CACNA2D3: variants seen among roughly 807,000 people sequenced by gnomAD.
The protein encoded by CACNA2D3 is voltage-dependent calcium channel subunit alpha-2/delta-3.
A neutral mutation model predicts 160.6 loss-of-function variants in CACNA2D3; 60 were observed. That is an observed-to-expected ratio of 0.37 (90% CI 0.30 to 0.46). CACNA2D3 has a LOEUF of 0.46. CACNA2D3 is among the 20% of genes least tolerant of loss of function. The pLI, the probability that CACNA2D3 is intolerant of heterozygous loss-of-function variation, is 1.00. For missense variants in CACNA2D3, 1,205 were observed against 1,365.0 expected (o/e 0.88, Z 1.85); for synonymous variants, 558 against 492.9 (o/e 1.13, Z -1.75).
At chr3:54,807,485 C>T (rs1433515873) in intron 13 of CACNA2D3, among the ~76,000 whole-genome samples, 2 of 152,074 alleles carry the variant, frequency 1.3e-5, no homozygotes, top group Non-Finnish European at 2.9e-5. Context: ...CAGAGAAATG[C>T]AAATCAAAAC....
At chr3:54,458,187 A>G (rs1224470950) in intron 4 of CACNA2D3, among the ~76,000 whole-genome samples, 4 of 151,930 alleles carry the variant, frequency 2.6e-5, no homozygotes, top group African/African-American at 9.7e-5. Context: ...TTATCATTGC[A>G]GTTTGGTAGT....
At chr3:54,557,576 C>T (rs1271015064) in intron 5 of CACNA2D3, among the ~76,000 whole-genome samples, 1 of 152,158 alleles carries the variant, frequency 6.6e-6, no homozygotes, top group African/African-American at 2.4e-5. Context: ...TGGAATTTCG[C>T]TTCTTTTTGT....
At chr3:54,509,290 TTTGTG>T (rs1701420638) in intron 5 of CACNA2D3, among the ~76,000 whole-genome samples, 2 of 24,956 alleles carry the variant, frequency 8.0e-5, no homozygotes, top group Admixed American at 1.3e-3. Flanking sequence ...TGTGTGTGTG[TTTGTG>T]TGTGTGTGTG....
chr3:55,040,080 G>A (rs979100188), intron 35 of CACNA2D3, among the ~76,000 whole-genome samples: 4 of 152,096 alleles, frequency 2.6e-5, no homozygotes, highest in African/African-American at 4.8e-5. Context: ...TTCTGGTAAC[G>A]GCTCTCTTCT....
At chr3:54,955,280 C>G (rs1334776290) in intron 27 of CACNA2D3, among the ~76,000 whole-genome samples, 3 of 152,044 alleles carry the variant, frequency 2.0e-5, no homozygotes, top group African/African-American at 7.2e-5. Context: ...CAAAGGTTGT[C>G]TTATTATGCA....
chr3:54,226,250 A>G (rs1701669333), intron 2 of CACNA2D3, among the ~76,000 whole-genome samples: 1 of 149,564 alleles, frequency 6.7e-6, no homozygotes, highest in Non-Finnish European at 1.5e-5. Flanking sequence ...CCCCAGGAAG[A>G]GGGAAATGGC....
intron 5 of CACNA2D3, among the ~76,000 whole-genome samples, chr3:54,516,458 A>G (rs982569894): frequency 5.3e-5 from 8 of 152,148 alleles, no homozygotes; most frequent in Admixed American, 1.3e-4. Flanking sequence ...TTCTACTTCA[A>G]CAACTGCTGC....
intron 12 of CACNA2D3, among the ~76,000 whole-genome samples, chr3:54,753,249 G>A (rs567434197): frequency 6.6e-6 from 1 of 152,262 alleles, no homozygotes; most frequent in South Asian, 2.1e-4. Context: ...AATTGCTATG[G>A]CAGAGACATT....
At chr3:55,038,508 A>G (rs9849738) in intron 35 of CACNA2D3, among the ~76,000 whole-genome samples, 2 of 152,154 alleles carry the variant, frequency 1.3e-5, no homozygotes, top group African/African-American at 4.8e-5. Context: ...CATAAGTGCT[A>G]TATATACATA....
chr3:54,375,144 T>G (rs1252847244), intron 3 of CACNA2D3, among the ~76,000 whole-genome samples: 1 of 152,182 alleles, frequency 6.6e-6, no homozygotes, highest in Non-Finnish European at 1.5e-5. Flanking sequence ...AGCCTCCTTG[T>G]ACCCCGTAAG....
At chr3:54,132,258 A>G (rs1026303775) in intron 2 of CACNA2D3, among the ~76,000 whole-genome samples, 5 of 152,180 alleles carry the variant, frequency 3.3e-5, no homozygotes, top group South Asian at 2.1e-4. Flanking sequence ...TTGGAATGCT[A>G]TTGTCATTTG....
intron 2 of CACNA2D3, among the ~76,000 whole-genome samples, chr3:54,191,803 A>G (rs1224514939): frequency 6.6e-6 from 1 of 152,140 alleles, no homozygotes; most frequent in Admixed American, 6.5e-5. Flanking sequence ...CTACCTGCGC[A>G]GGGCTGCCGT....
intron 4 of CACNA2D3, among the ~76,000 whole-genome samples, chr3:54,472,994 G>T (rs1283189574): frequency 6.6e-6 from 1 of 152,146 alleles, no homozygotes; most frequent in East Asian, 1.9e-4. Flanking sequence ...TCCCCATCAA[G>T]CTACCGTTGA....
chr3:54,900,573 G>A (rs1700303868), intron 27 of CACNA2D3, among the ~76,000 whole-genome samples: 1 of 152,206 alleles, frequency 6.6e-6, no homozygotes, highest in Non-Finnish European at 1.5e-5. Context: ...CCGAGGGTGT[G>A]TCTGGCACAT....
chr3:54,721,261 T>C (rs1190178462), intron 11 of CACNA2D3, among the ~76,000 whole-genome samples: 3 of 152,208 alleles, frequency 2.0e-5, no homozygotes, highest in East Asian at 3.8e-4. Context: ...TCATTTTAAA[T>C]AGGAAATATT....
intron 4 of CACNA2D3, among the ~76,000 whole-genome samples, chr3:54,438,281 A>G (rs1478888064): frequency 1.3e-5 from 2 of 152,196 alleles, no homozygotes; most frequent in Non-Finnish European, 1.5e-5. Flanking sequence ...TAATTGTAAT[A>G]TAATTACATA....
chr3:54,307,270 G>A (rs972281147), intron 2 of CACNA2D3, among the ~76,000 whole-genome samples: 2 of 152,064 alleles, frequency 1.3e-5, no homozygotes, highest in African/African-American at 4.8e-5. Flanking sequence ...ATTTTTAGAG[G>A]GTAAAGATGA....
At chr3:54,641,927 T>C (rs1475971026) in intron 10 of CACNA2D3, among the ~76,000 whole-genome samples, 1 of 151,902 alleles carries the variant, frequency 6.6e-6, no homozygotes, top group South Asian at 2.1e-4. Context: ...TAGAATTTTA[T>C]TTTTGGCTTA....
intron 2 of CACNA2D3, among the ~76,000 whole-genome samples, chr3:54,185,764 G>A (rs1383415929): frequency 6.6e-6 from 1 of 152,188 alleles, no homozygotes; most frequent in Admixed American, 6.5e-5. Flanking sequence ...ACAAAAACAA[G>A]CAGCAGTTGG....
Sources: gnomAD v4.1 joint callset for allele counts (sites outside exome capture counted in the v4.1 genomes callset) on GRCh38, gnomAD v4.1.1 for gene constraint, MANE v1.5 for transcripts, NCBI Gene and HGNC (gene_info 2026-07-23, HGNC 2026-07-21) for gene names.